The following SLK variants were observed in gnomAD, a reference collection of about 807,000 sequenced individuals.
The protein encoded by SLK is STE20-like serine/threonine-protein kinase.
A neutral mutation model predicts 147.7 loss-of-function variants in SLK; 67 were observed. The observed-to-expected ratio is 0.45, with a 90% confidence interval of 0.37 to 0.56. The LOEUF is 0.56. Ranked by LOEUF, SLK falls within the 20% of genes least tolerant of loss-of-function variation. The pLI, the probability that SLK is intolerant of heterozygous loss-of-function variation, is 0.00. For synonymous variants in SLK, 441 were observed against 475.0 expected (o/e 0.93, Z 0.93); for missense variants, 1,136 against 1,438.8 (o/e 0.79, Z 3.41).
rs894037394 is a variant in SLK, at chr10:104,002,484, A to T, written c.1306A>T (p.Thr436Ser). ...KRPKLENLPD[T>S]EDQETVDINS... ...GCCCAAGCTTGAAAATCTGCCTGAC[A>T]CAGAAGACCAAGAAACTGTGGACAT... Residue 436 changes from threonine to serine, a missense_variant, in exon 9 of 19, where the codon ACA becomes TCA. By Grantham distance (58) the Thr-to-Ser change is moderately conservative. Coordinates refer to ENST00000369755, the MANE Select transcript of SLK (RefSeq NM_014720.4). The T allele has an allele frequency of 1.9e-6, 3 of 1,613,836 alleles. No individual in the cohort carries two copies. The highest frequency in any genetic ancestry group is 3.3e-5 in the Admixed American group (2 of 60,008).
At chr10:104,001,894 T>G (rs1844253039) in intron 8 of SLK, among the ~76,000 whole-genome samples, 1 of 152,046 alleles carries the variant, frequency 6.6e-6, no homozygotes, top group African/African-American at 2.4e-5. Flanking sequence ...TTTTGTATTT[T>G]TAGTAGAGAT....
rs1018866206 is a variant in SLK at position 103,967,647 on chromosome 10, C to T, written c.-99C>T. On this transcript the variant is annotated 5_prime_UTR_variant, in exon 1 of 19. Transcript: ENST00000369755. ...GGGGGCCGAGGGACGCCGCGCCCGC[C>T]GCCGCCAGCCGGGCTCGCGCGGGAG... The T allele has an allele frequency of 1.2e-5, 14 of 1,131,772 alleles. No individual in the cohort carries two copies. In the African/African-American group the frequency reaches 1.8e-4, roughly 15 times the overall value. The allele number at this position is 1,131,772 out of a possible 1,614,324, so 70.1% of individuals were successfully genotyped here. A position where few individuals can be genotyped will look rare whatever the true frequency, so the allele number is the denominator to read the frequency against.
intron 16 of SLK, 93 bp from the exon 17 acceptor site, chr10:104,020,395 T>C: frequency 8.2e-7 from 1 of 1,225,828 alleles, no homozygotes; most frequent in Non-Finnish European, 1.1e-6. Context: ...TTCAGTTTAT[T>C]GTGCCTTGTT....
intron 3 of SLK, 104 bp from the exon 4 acceptor site, chr10:103,992,880 C>T (rs1589532928): frequency 7.5e-6 from 6 of 799,986 alleles, no homozygotes; most frequent in African/African-American, 3.5e-5. Context: ...AAATTCCCTG[C>T]ATATGATCTT....
At chr10:104,019,989 CA>C (rs1346405692) in intron 16 of SLK, 67 bp downstream of exon 16, 1 of 1,265,474 alleles carries the variant, frequency 7.9e-7, no homozygotes, top group Non-Finnish European at 1.1e-6. Context: ...AGAAGTTCTA[CA>C]AAATTCCTTT....
chr10:104,020,243 C>T (rs1269234384), intron 16 of SLK, among the ~76,000 whole-genome samples: 2 of 152,154 alleles, frequency 1.3e-5, no homozygotes, highest in Admixed American at 1.3e-4. Context: ...TGTGATACTT[C>T]TGTAGTCATG....
chr10:103,977,880 A>G (rs562510204), intron 1 of SLK, among the ~76,000 whole-genome samples: 5 of 152,306 alleles, frequency 3.3e-5, no homozygotes, highest in East Asian at 3.9e-4. Context: ...AAATGTTGAT[A>G]TGTAAAAAAA....
At chr10:104,020,704 G>A in intron 17 of SLK, 91 bp downstream of exon 17, 2 of 1,356,544 alleles carry the variant, frequency 1.5e-6, no homozygotes, top group South Asian at 2.8e-5. Flanking sequence ...AAAGTCAACT[G>A]CATCATACAC....
intron 11 of SLK, among the ~76,000 whole-genome samples, chr10:104,007,671 C>T (rs1047171043): frequency 2.0e-5 from 3 of 150,794 alleles, no homozygotes; most frequent in Non-Finnish European, 4.4e-5. Flanking sequence ...TGGTTCATGC[C>T]TGTAATACCA....
At chr10:103,972,950 G>A (rs934994768) in intron 1 of SLK, among the ~76,000 whole-genome samples, 1 of 152,052 alleles carries the variant, frequency 6.6e-6, no homozygotes, top group South Asian at 2.1e-4. Context: ...CCATTTGCTG[G>A]TGATAGTTAT....
Position 104,028,197 on chromosome 10 carries a change from T to C in SLK, c.*2477T>C, listed in dbSNP as rs898887531. On this transcript the variant is annotated 3_prime_UTR_variant, in exon 19 of 19. Transcript: ENST00000369755. Reference sequence around the variant, plus strand: ...AATCGAAGGGTACAGTCAAATCTACTGCTGATTTGGTTGTTTTGTTGCTGT... The same window carrying C: ...AATCGAAGGGTACAGTCAAATCTACCGCTGATTTGGTTGTTTTGTTGCTGT... 2 of 152,198 alleles carry C rather than the reference T, an allele frequency of 1.3e-5. No homozygotes were observed. Among genetic ancestry groups the C allele is most frequent in the African/African-American group, 4.8e-5 (2 of 41,440 alleles). 9.4% of individuals were successfully genotyped at this position (152,198 alleles called of 1,614,324 possible).
rs1417421873 is a variant in SLK, at chr10:103,967,614, G to T, written c.-132G>T. ...CGCCTTCTCCCGGGACCGCCCGGCC[G>T]GAGCTGCGGGGGCCGAGGGACGCCG... On this transcript the variant is annotated 5_prime_UTR_variant, in exon 1 of 19. Coordinates refer to ENST00000369755, the MANE Select transcript of SLK (RefSeq NM_014720.4). 1 of 499,464 alleles carries T rather than the reference G, an allele frequency of 2.0e-6. No individual in the cohort carries two copies. Among genetic ancestry groups the T allele is most frequent in the Non-Finnish European group, 2.8e-6 (1 of 355,704 alleles). 30.9% of individuals were successfully genotyped at this position (499,464 alleles called of 1,614,324 possible). A position where few individuals can be genotyped will look rare whatever the true frequency, so the allele number is the denominator to read the frequency against.
chr10:103,984,332 T>C (rs148741418), intron 1 of SLK, among the ~76,000 whole-genome samples: 18 of 152,356 alleles, frequency 1.2e-4, no homozygotes, highest in Admixed American at 5.9e-4. Context: ...TATGCTCAAA[T>C]ATCACCTCGG....
At chr10:104,012,967 A>G (rs1277712033) in intron 13 of SLK, among the ~76,000 whole-genome samples, 7 of 152,368 alleles carry the variant, frequency 4.6e-5, no homozygotes, top group Non-Finnish European at 4.4e-5. Context: ...AGGTAATACT[A>G]TGTTTTAATA....
At chr10:103,988,426 T>G (rs1844046941) in intron 1 of SLK, among the ~76,000 whole-genome samples, 2 of 152,146 alleles carry the variant, frequency 1.3e-5, no homozygotes, top group Admixed American at 1.3e-4. Flanking sequence ...GTGGGGGTTA[T>G]TTATATCCTA....
At chr10:103,982,416 A>C (rs902422214) in intron 1 of SLK, among the ~76,000 whole-genome samples, 1 of 152,234 alleles carries the variant, frequency 6.6e-6, no homozygotes, top group Non-Finnish European at 1.5e-5. Flanking sequence ...TTTTGTTGCT[A>C]TATTTTGACT....
chr10:103,992,957 ATTT>A, intron 3 of SLK, 24 bp from the exon 4 acceptor site: 1 of 1,257,530 alleles, frequency 8.0e-7, no homozygotes, highest in South Asian at 1.5e-5. Context: ...TAAAAAGCAG[ATTT>A]TTTTTTTTAC....
chr10:104,005,511 A>G (rs1236319214), intron 9 of SLK, 50 bp from the exon 10 acceptor site: 36 of 1,517,898 alleles, frequency 2.4e-5, no homozygotes, highest in Non-Finnish European at 3.0e-5. Context: ...AATGTTTTCT[A>G]CCTCCAGTAT....
chr10:103,998,832 C>T, intron 4 of SLK, 67 bp from the exon 5 acceptor site: 1 of 1,081,238 alleles, frequency 9.2e-7, no homozygotes, highest in Admixed American at 2.1e-5. Flanking sequence ...AATGCTTTTT[C>T]TCCCCATTGA....
Sources: allele counts gnomAD v4.1 joint callset (sites outside exome capture counted in the v4.1 genomes callset), GRCh38; gene constraint gnomAD v4.1.1; transcripts MANE v1.5; gene names NCBI Gene and HGNC (gene_info 2026-07-23, HGNC 2026-07-21).